The following ULK4 variants were observed in gnomAD, a reference collection of about 807,000 sequenced individuals.
The protein encoded by ULK4 is unc-51 like kinase 4.
ULK4 carries 133 observed loss-of-function variants against 160.6 expected under a neutral mutation model. That is an observed-to-expected ratio of 0.83 (90% confidence interval 0.72 to 0.96). The LOEUF (loss-of-function observed/expected upper bound fraction) is 0.96, where lower values mean the gene tolerates loss of function less well. ULK4 is among the 40% of genes least tolerant of loss of function. The pLI is 0.00. For missense variants in ULK4, 1,580 were observed against 1,499.5 expected (o/e 1.05, Z -0.89); for synonymous variants, 534 against 539.8 (o/e 0.99, Z 0.15).
chr3:41,337,778 C>T (rs965237316), intron 35 of ULK4, among the ~76,000 whole-genome samples: 1 of 152,164 alleles, frequency 6.6e-6, no homozygotes, highest in Non-Finnish European at 1.5e-5. Flanking sequence ...TGATTCCTCT[C>T]CCACTGCATG....
intron 31 of ULK4, among the ~76,000 whole-genome samples, chr3:41,589,964 A>G (rs2031153566): frequency 2.0e-5 from 3 of 152,126 alleles, no homozygotes; most frequent in African/African-American, 2.4e-5. Flanking sequence ...AATGAATAGA[A>G]TGAGATAAAG....
chr3:41,652,433 C>G (rs1042291144), intron 30 of ULK4, among the ~76,000 whole-genome samples: 1 of 152,064 alleles, frequency 6.6e-6, no homozygotes, highest in African/African-American at 2.4e-5. Flanking sequence ...TATGTAAAGA[C>G]CTGGGTTTGT....
At chr3:41,311,447 C>T (rs1367560664) in intron 35 of ULK4, among the ~76,000 whole-genome samples, 1 of 152,192 alleles carries the variant, frequency 6.6e-6, no homozygotes, top group African/African-American at 2.4e-5. Flanking sequence ...GCTTCCTGCC[C>T]TCCAACATCG....
intron 1 of ULK4, among the ~76,000 whole-genome samples, chr3:41,957,539 C>T (rs964443018): frequency 6.6e-6 from 1 of 150,892 alleles, no homozygotes; most frequent in Admixed American, 6.6e-5. Flanking sequence ...AAATTCACAA[C>T]ATATCTACAT....
At chr3:41,387,781 C>A (rs1429270430) in intron 35 of ULK4, among the ~76,000 whole-genome samples, 1 of 152,162 alleles carries the variant, frequency 6.6e-6, no homozygotes, top group Non-Finnish European at 1.5e-5. Context: ...CATTGTTGGA[C>A]ATTTGGGTTG....
intron 2 of ULK4, among the ~76,000 whole-genome samples, chr3:41,953,304 A>ATATATTTTT (rs1181182812): frequency 1.4e-4 from 17 of 124,784 alleles, no homozygotes; most frequent in African/African-American, 5.3e-4. Context: ...ATATATATAT[A>ATATATTTTT]TTTTTTTTTT....
chr3:41,528,579 T>G (rs990293350), intron 32 of ULK4, among the ~76,000 whole-genome samples: 4 of 152,206 alleles, frequency 2.6e-5, no homozygotes, highest in Admixed American at 2.6e-4. Flanking sequence ...GTACTGGCTT[T>G]TCCACTGATT....
At chr3:41,388,930 A>T (rs2081888405) in intron 35 of ULK4, among the ~76,000 whole-genome samples, 3 of 152,008 alleles carry the variant, frequency 2.0e-5, no homozygotes, top group Non-Finnish European at 4.4e-5. Flanking sequence ...TGGTAGCTTG[A>T]TGGGGATGGC....
intron 34 of ULK4, among the ~76,000 whole-genome samples, chr3:41,434,330 T>C (rs2082984938): frequency 1.3e-5 from 2 of 152,308 alleles, no homozygotes; most frequent in African/African-American, 2.4e-5. Context: ...TGTACTGATA[T>C]GGAAATTTTG....
chr3:41,764,530 A>G (rs1209158851), intron 21 of ULK4, among the ~76,000 whole-genome samples: 1 of 152,228 alleles, frequency 6.6e-6, no homozygotes, highest in African/African-American at 2.4e-5. Context: ...GGATTGTTCA[A>G]GACTATCCTG....
chr3:41,959,727 A>C (rs1700607680), intron 1 of ULK4, among the ~76,000 whole-genome samples: 1 of 151,844 alleles, frequency 6.6e-6, no homozygotes, highest in Non-Finnish European at 1.5e-5. Flanking sequence ...TCTGAAGCCA[A>C]GAGTTCAAGA....
rs141512118 is a variant in ULK4, at chr3:41,384,515, T to A, written c.3678+13564A>T. Among the ~76,000 whole-genome samples the A allele has an allele frequency of 2.4e-4, 37 of 152,116 alleles. No homozygotes were observed. In the East Asian group the frequency reaches 6.8e-3, roughly 28 times the overall value. On this transcript the variant is annotated intron_variant, in intron 35 of 36. Coordinates refer to ENST00000301831, the MANE Select transcript of ULK4 (RefSeq NM_017886.4). ...GACCAGCCTGGGCAATATAGGGAAATCCTGTTTCTATTTTTCTGAGATCAG... is the reference window on the plus strand; with the variant it reads ...GACCAGCCTGGGCAATATAGGGAAAACCTGTTTCTATTTTTCTGAGATCAG...
chr3:41,332,765 C>T (rs1389028768), intron 35 of ULK4, among the ~76,000 whole-genome samples: 3 of 152,124 alleles, frequency 2.0e-5, no homozygotes, highest in Admixed American at 2.0e-4. Context: ...ATAGTGAGCA[C>T]AGTACCCAAT....
intron 34 of ULK4, among the ~76,000 whole-genome samples, chr3:41,440,982 T>C (rs1380456362): frequency 6.6e-6 from 1 of 152,086 alleles, no homozygotes; most frequent in Non-Finnish European, 1.5e-5. Flanking sequence ...TTTGTAGAGA[T>C]GTCTCTCCAT....
chr3:41,831,609 G>A (rs2041593061), intron 18 of ULK4, among the ~76,000 whole-genome samples: 1 of 151,446 alleles, frequency 6.6e-6, no homozygotes, highest in Admixed American at 6.6e-5. Flanking sequence ...GTATACGTGT[G>A]CCAGAGTGGT....
At chr3:41,954,599 C>T in intron 2 of ULK4, 23 bp downstream of exon 2, 1 of 1,602,150 alleles carries the variant, frequency 6.2e-7, no homozygotes, top group East Asian at 2.2e-5. Context: ...TTTCCCCATG[C>T]CAATGGAAAT....
chr3:41,770,278 G>A (rs1405149008), intron 21 of ULK4, among the ~76,000 whole-genome samples: 1 of 152,094 alleles, frequency 6.6e-6, no homozygotes, highest in Non-Finnish European at 1.5e-5. Context: ...GAGATCTGCA[G>A]CTTCAGGCTT....
chr3:41,623,911 T>C (rs2033370801), intron 30 of ULK4, among the ~76,000 whole-genome samples: 1 of 152,176 alleles, frequency 6.6e-6, no homozygotes, highest in East Asian at 1.9e-4. Context: ...TATACACATA[T>C]CATAACATTA....
intron 7 of ULK4, among the ~76,000 whole-genome samples, chr3:41,916,704 A>T (rs1019069923): frequency 8.7e-4 from 110 of 126,842 alleles, no homozygotes; most frequent in African/African-American, 2.5e-3. Flanking sequence ...AGCTCCAACT[A>T]TTTTTTTTTT....
Sources: gnomAD v4.1 joint callset for allele counts (sites outside exome capture counted in the v4.1 genomes callset) on GRCh38, gnomAD v4.1.1 for gene constraint, MANE v1.5 for transcripts, NCBI Gene and HGNC (gene_info 2026-07-23, HGNC 2026-07-21) for gene names.